CNTNAP2: variants seen among roughly 807,000 people sequenced by gnomAD.
CNTNAP2 encodes the protein contactin associated protein 2.
Under a neutral mutation model 155.2 loss-of-function variants are expected in CNTNAP2, and 98 were observed. The observed-to-expected ratio is 0.63, with a 90% CI of 0.54 to 0.75. CNTNAP2 has a LOEUF of 0.75. Among genes scored for constraint, CNTNAP2 ranks in the 30% least tolerant of loss-of-function variants. The pLI is 0.00. For missense variants in CNTNAP2, 1,727 were observed against 1,688.1 expected, an observed-to-expected ratio of 1.02 and a Z score of -0.40; for synonymous variants, 651 against 631.2, an observed-to-expected ratio of 1.03 and a Z score of -0.47.
chr7:148,293,072 AAT>A (rs1797217278), intron 21 of CNTNAP2, among the ~76,000 whole-genome samples: 1 of 104,432 alleles, frequency 9.6e-6, no homozygotes. Context: ...ATTGACAAAA[AAT>A]AAATAAAATA....
At chr7:147,176,582 G>C (rs1026871068) in intron 8 of CNTNAP2, among the ~76,000 whole-genome samples, 8 of 146,112 alleles carry the variant, frequency 5.5e-5, no homozygotes, top group African/African-American at 2.0e-4. Flanking sequence ...AAATAAACAA[G>C]ATAGATTATA....
At chr7:146,755,391 C>T (rs1801978380) in intron 1 of CNTNAP2, among the ~76,000 whole-genome samples, 1 of 151,904 alleles carries the variant, frequency 6.6e-6, no homozygotes, top group Non-Finnish European at 1.5e-5. Context: ...AATTGTGCCA[C>T]TGAAAAATAA....
intron 14 of CNTNAP2, among the ~76,000 whole-genome samples, chr7:147,929,092 CAAAAAAAAAAAAAAAAAA>C (rs66584239): frequency 2.9e-5 from 1 of 34,632 alleles, no homozygotes; most frequent in South Asian, 1.5e-3. Flanking sequence ...AACTCCATCC[CAAAAAAAAAAAAAAAAAA>C]AAAAAAAAAC....
chr7:147,641,636 A>G (rs1795280113), intron 13 of CNTNAP2, among the ~76,000 whole-genome samples: 1 of 152,134 alleles, frequency 6.6e-6, no homozygotes, highest in Admixed American at 6.5e-5. Context: ...TCAGTAAGTA[A>G]TTAAGATTAA....
chr7:147,314,737 C>A (rs1447292816), intron 9 of CNTNAP2, among the ~76,000 whole-genome samples: 2 of 150,786 alleles, frequency 1.3e-5, no homozygotes, highest in Admixed American at 1.3e-4. Context: ...CATATGTATA[C>A]ATGATTTTAG....
intron 14 of CNTNAP2, among the ~76,000 whole-genome samples, chr7:147,924,381 C>A (rs573259441): frequency 2.0e-5 from 3 of 152,026 alleles, no homozygotes; most frequent in Non-Finnish European, 2.9e-5. Context: ...TCAGGTGATT[C>A]GCCTGCCTTG....
intron 13 of CNTNAP2, among the ~76,000 whole-genome samples, chr7:147,668,475 G>A (rs1795735621): frequency 6.6e-6 from 1 of 152,178 alleles, no homozygotes; most frequent in African/African-American, 2.4e-5. Context: ...CAGCTCCATG[G>A]GTGTCAGTGC....
intron 1 of CNTNAP2, among the ~76,000 whole-genome samples, chr7:146,752,408 G>C (rs774771427): frequency 5.9e-5 from 9 of 152,094 alleles, no homozygotes; most frequent in Non-Finnish European, 1.2e-4. Flanking sequence ...ATGTTTCTTG[G>C]CCGCATAAAT....
chr7:147,926,071 C>T (rs966333495), intron 14 of CNTNAP2, among the ~76,000 whole-genome samples: 1 of 152,256 alleles, frequency 6.6e-6, no homozygotes, highest in South Asian at 2.1e-4. Context: ...TATTTAATTA[C>T]GCTCTACTTG....
chr7:146,718,644 C>T (rs41501455), intron 1 of CNTNAP2, among the ~76,000 whole-genome samples: 5,200 of 152,228 alleles, frequency 0.034, 131 homozygotes, highest in East Asian at 0.12. Flanking sequence ...TATCAGTTAT[C>T]GCTCAACTTA....
intron 13 of CNTNAP2, among the ~76,000 whole-genome samples, chr7:147,858,185 G>A (rs1027085996): frequency 6.6e-6 from 1 of 152,144 alleles, no homozygotes; most frequent in African/African-American, 2.4e-5. Context: ...CCTCCTGGGT[G>A]CAAGCAATTC....
At chr7:147,416,217 T>C (rs941028080) in intron 10 of CNTNAP2, among the ~76,000 whole-genome samples, 1 of 152,176 alleles carries the variant, frequency 6.6e-6, no homozygotes, top group Non-Finnish European at 1.5e-5. Context: ...TTTCTCAACC[T>C]GTGGCCACAG....
At chr7:146,234,974 AC>A (rs1203070595) in intron 1 of CNTNAP2, among the ~76,000 whole-genome samples, 2 of 152,166 alleles carry the variant, frequency 1.3e-5, no homozygotes, top group Admixed American at 1.3e-4. Flanking sequence ...GTGGATCCGT[AC>A]ACAATAAGCA....
At chr7:147,998,760 T>A (rs1430666321) in intron 15 of CNTNAP2, among the ~76,000 whole-genome samples, 1 of 152,118 alleles carries the variant, frequency 6.6e-6, no homozygotes, top group East Asian at 1.9e-4. Flanking sequence ...AAATGAGACC[T>A]GAGTTGGAAC....
intron 1 of CNTNAP2, among the ~76,000 whole-genome samples, chr7:146,508,345 A>AAAATATCTAC (rs1797415819): frequency 6.6e-6 from 1 of 152,222 alleles, no homozygotes; most frequent in Non-Finnish European, 1.5e-5. Flanking sequence ...CAAGCTGTGA[A>AAAATATCTAC]AAATATCTAC....
intron 11 of CNTNAP2, among the ~76,000 whole-genome samples, chr7:147,519,491 G>T (rs896160988): frequency 6.6e-6 from 1 of 152,176 alleles, no homozygotes; most frequent in African/African-American, 2.4e-5. Context: ...AGGTTTAAGG[G>T]ATAGGGCAGC....
rs142550469 is a variant in CNTNAP2, at chr7:147,112,828, TTTG to T, written c.754+4507_754+4509del. 9.9e-3 allele frequency among the ~76,000 whole-genome samples: 1,505 copies of T among 151,438 alleles called. 12 individuals are homozygous for T. Among genetic ancestry groups the T allele is most frequent in the African/African-American group, 0.028 (1,166 of 41,316 alleles). ...TTCATCAAAAATATTTGCCCGAAGT[TTTG>T]TTGTTGTTGTTGTTGTTGTTGTTGT... On this transcript the variant is annotated intron_variant, in intron 5 of 23. Transcript: ENST00000361727.
intron 13 of CNTNAP2, among the ~76,000 whole-genome samples, chr7:147,704,799 A>C (rs549999539): frequency 5.9e-5 from 9 of 152,254 alleles, no homozygotes; most frequent in African/African-American, 2.2e-4. Flanking sequence ...TTGCTGATTC[A>C]ATCTTGATAG....
intron 1 of CNTNAP2, among the ~76,000 whole-genome samples, chr7:146,223,755 ATAAAG>A (rs1237766558): frequency 1.3e-5 from 2 of 152,228 alleles, no homozygotes; most frequent in African/African-American, 2.4e-5. Flanking sequence ...AAGAAGGAAA[ATAAAG>A]TAACCTCCAC....
Sources: gnomAD v4.1 joint callset for allele counts (sites outside exome capture counted in the v4.1 genomes callset) on GRCh38, gnomAD v4.1.1 for gene constraint, MANE v1.5 for transcripts, NCBI Gene and HGNC (gene_info 2026-07-23, HGNC 2026-07-21) for gene names.